ZFYVE9: variants seen among roughly 807,000 people sequenced by gnomAD.
The protein encoded by ZFYVE9 is zinc finger FYVE-type containing 9, also known as zinc finger FYVE domain-containing protein 9.
In ZFYVE9, 43 loss-of-function variants were observed where a neutral mutation model predicts 126.7. The ratio of observed to expected loss-of-function variants is 0.34; its 90% CI spans 0.27 to 0.44. The LOEUF (loss-of-function observed/expected upper bound fraction) is 0.44, where lower values mean the gene tolerates loss of function less well. Among genes scored for constraint, ZFYVE9 ranks in the 20% least tolerant of loss-of-function variants. The pLI is 1.00. For synonymous variants in ZFYVE9, 521 were observed against 597.4 expected (o/e 0.87, Z 1.87); for missense variants, 1,476 against 1,697.0 (o/e 0.87, Z 2.29).
At chr1:52,336,327 T>C (rs961665145) in intron 15 of ZFYVE9, among the ~76,000 whole-genome samples, 4 of 150,324 alleles carry the variant, frequency 2.7e-5, no homozygotes, top group Non-Finnish European at 5.9e-5. Flanking sequence ...AACAGAAACA[T>C]GCCGTTAACA....
chr1:52,245,107 G>A (rs1445188486), intron 4 of ZFYVE9, among the ~76,000 whole-genome samples: 2 of 151,602 alleles, frequency 1.3e-5, no homozygotes, highest in African/African-American at 4.8e-5. Flanking sequence ...GCAGTGAGCC[G>A]AGATCGAGAT....
intron 1 of ZFYVE9, among the ~76,000 whole-genome samples, chr1:52,203,413 C>A (rs1363380472): frequency 1.3e-5 from 2 of 148,374 alleles, no homozygotes; most frequent in African/African-American, 5.0e-5. Flanking sequence ...GAACTCCTGA[C>A]CTCAAATGAT....
chr1:52,210,220 G>T (rs1315010655), intron 1 of ZFYVE9, among the ~76,000 whole-genome samples: 1 of 152,110 alleles, frequency 6.6e-6, no homozygotes, highest in Non-Finnish European at 1.5e-5. Context: ...AAGTTCCTGC[G>T]GTGCCAATAT....
intron 4 of ZFYVE9, among the ~76,000 whole-genome samples, chr1:52,242,323 C>T (rs955016159): frequency 4.6e-5 from 7 of 152,118 alleles, no homozygotes; most frequent in African/African-American, 4.8e-5. Flanking sequence ...TGAGCCACTG[C>T]GCCTGGCCAA....
chr1:52,260,717 T>C lies in ZFYVE9; in HGVS notation c.2179-3056T>C, dbSNP rs1645570648. 2.6e-5 allele frequency among the ~76,000 whole-genome samples: 4 copies of C among 152,066 alleles called. No homozygotes were observed. In the South Asian group the frequency reaches 8.3e-4, roughly 32 times the overall value. ...CTGTAATCCCAGCTACTTGGGAGGC[T>C]GAGGCAGGAGAATGGCTTGAACCCT... On this transcript the variant is annotated intron_variant, in intron 4 of 18. Coordinates refer to ENST00000287727, the MANE Select transcript of ZFYVE9 (RefSeq NM_004799.4).
intron 1 of ZFYVE9, among the ~76,000 whole-genome samples, chr1:52,203,089 G>A (rs1302773822): frequency 1.3e-5 from 2 of 152,026 alleles, no homozygotes; most frequent in African/African-American, 4.8e-5. Flanking sequence ...TGCTTATATG[G>A]TTTCTTCACT....
chr1:52,255,317 G>A (rs564029198), intron 4 of ZFYVE9, among the ~76,000 whole-genome samples: 1 of 151,940 alleles, frequency 6.6e-6, no homozygotes, highest in South Asian at 2.1e-4. Flanking sequence ...GGCACGGTGG[G>A]TCATGCCTGT....
intron 4 of ZFYVE9, among the ~76,000 whole-genome samples, chr1:52,262,807 C>G (rs919678917): frequency 6.6e-6 from 1 of 152,040 alleles, no homozygotes; most frequent in East Asian, 1.9e-4. Flanking sequence ...TGTGGTGGCT[C>G]ACGCCTGTAA....
intron 1 of ZFYVE9, among the ~76,000 whole-genome samples, chr1:52,165,381 A>AG (rs1360437432): frequency 5.3e-5 from 8 of 152,202 alleles, no homozygotes; most frequent in Non-Finnish European, 1.2e-4. Context: ...GGCCTCATTG[A>AG]GATCTTTCAA....
chr1:52,212,345 A>G (rs1645036303), intron 1 of ZFYVE9, among the ~76,000 whole-genome samples: 3 of 152,152 alleles, frequency 2.0e-5, no homozygotes, highest in South Asian at 4.1e-4. Flanking sequence ...GGGCCTTGCC[A>G]TGCTGGCCAG....
intron 13 of ZFYVE9, among the ~76,000 whole-genome samples, chr1:52,321,521 A>G (rs1646239449): frequency 1.3e-5 from 2 of 152,224 alleles, no homozygotes; most frequent in Non-Finnish European, 2.9e-5. Context: ...AATCCTCAAG[A>G]AGAAGCCCAT....
chr1:52,311,388 C>T (rs544168775), intron 13 of ZFYVE9, among the ~76,000 whole-genome samples: 1 of 151,820 alleles, frequency 6.6e-6, no homozygotes, highest in South Asian at 2.1e-4. Flanking sequence ...CTTCAGCCTC[C>T]TGAGTAGCTG....
chr1:52,226,986 A>G (rs1278849436), intron 2 of ZFYVE9, among the ~76,000 whole-genome samples: 2 of 152,158 alleles, frequency 1.3e-5, no homozygotes, highest in Admixed American at 6.5e-5. Context: ...CCTTTAGCTT[A>G]GTGATTTTGG....
chr1:52,243,335 G>T (rs1170653131), intron 4 of ZFYVE9, among the ~76,000 whole-genome samples: 5 of 152,212 alleles, frequency 3.3e-5, no homozygotes, highest in Admixed American at 3.3e-4. Flanking sequence ...AAAAATGGGG[G>T]TGGGAGAAGA....
intron 7 of ZFYVE9, among the ~76,000 whole-genome samples, chr1:52,270,455 G>A (rs541673525): frequency 1.3e-5 from 2 of 152,116 alleles, no homozygotes; most frequent in East Asian, 1.9e-4. Flanking sequence ...TAGTAGAGAT[G>A]GGGTTTCACG....
intron 13 of ZFYVE9, among the ~76,000 whole-genome samples, chr1:52,331,706 C>T (rs1373216624): frequency 6.8e-6 from 1 of 147,536 alleles, no homozygotes; most frequent in Non-Finnish European, 1.5e-5. Context: ...GAGCCAAGAT[C>T]GAGCCACTGC....
At chr1:52,233,930 G>A (rs529747509) in intron 3 of ZFYVE9, among the ~76,000 whole-genome samples, 3 of 152,140 alleles carry the variant, frequency 2.0e-5, no homozygotes, top group Admixed American at 6.5e-5. Context: ...CCATACACCC[G>A]CCACCATGCC....
chr1:52,208,310 T>C (rs1388532018), intron 1 of ZFYVE9, among the ~76,000 whole-genome samples: 1 of 152,204 alleles, frequency 6.6e-6, no homozygotes, highest in Non-Finnish European at 1.5e-5. Flanking sequence ...TGTTCCATAT[T>C]GCTAATGGTT....
chr1:52,199,882 G>T (rs941674203), intron 1 of ZFYVE9, among the ~76,000 whole-genome samples: 2 of 152,186 alleles, frequency 1.3e-5, no homozygotes, highest in African/African-American at 4.8e-5. Flanking sequence ...TCTAATAGGT[G>T]TGTGGTGGAA....
Sources: gnomAD v4.1 joint callset for allele counts (sites outside exome capture counted in the v4.1 genomes callset) on GRCh38, gnomAD v4.1.1 for gene constraint, MANE v1.5 for transcripts, NCBI Gene and HGNC (gene_info 2026-07-23, HGNC 2026-07-21) for gene names.